ZAN: variants seen among roughly 807,000 people sequenced by gnomAD.
The protein encoded by ZAN is zonadhesin (gene/pseudogene).
ZAN carries 260 observed loss-of-function variants against 286.2 expected under a neutral mutation model. The ratio of observed to expected loss-of-function variants is 0.91; its 90% CI spans 0.82 to 1.01. ZAN has a LOEUF of 1.01. Ranked by LOEUF, ZAN falls within the 50% of genes least tolerant of loss-of-function variation. ZAN has a pLI of 0.00. For synonymous variants in ZAN, 1,368 were observed against 1,417.5 expected (o/e 0.97, Z 0.79); for missense variants, 3,410 against 3,639.2 (o/e 0.94, Z 1.62).
intron 12 of ZAN, 64 bp downstream of exon 12, chr7:100,750,960 G>C: frequency 6.6e-7 from 1 of 1,510,850 alleles, no homozygotes; most frequent in South Asian, 1.3e-5. Context: ...GGGATCTGGG[G>C]GCGCCACCAG....
rs5886138 is a variant in ZAN at position 100,790,879 on chromosome 7, T to TAAAA, written c.7358-46_7358-43dup. On this transcript the variant is annotated intron_variant, in intron 39 of 47. Transcript: ENST00000613979. ...GCCTGGGCAACAGAGCAAGACTGTC[T>TAAAA]AAAAAAAAAAAAAAAAAAAAGAGTG... The TAAAA allele has an allele frequency of 3.5e-4, 420 of 1,210,426 alleles. No homozygotes were observed. The African/African-American group carries it at 4.5e-3, about 13-fold the overall frequency. The allele number at this position is 1,210,426 out of a possible 1,614,324, so 75.0% of individuals were successfully genotyped here. A position where few individuals can be genotyped will look rare whatever the true frequency, so the allele number is the denominator to read the frequency against.
Position 100,797,782 on chromosome 7 carries a change from ATATT to A in ZAN, c.*60_*63del, listed in dbSNP as rs776271618. 5.7e-6 allele frequency: 9 copies of A among 1,583,922 alleles called. No homozygotes were observed. Among genetic ancestry groups the A allele is most frequent in the Middle Eastern group, 2.2e-4 (1 of 4,574 alleles). On this transcript the variant is annotated 3_prime_UTR_variant, in exon 48 of 48. Transcript: ENST00000613979. ...AGACAAGAAGATTAAATAAATTTAT[ATATT>A]TATTTATTTGAGACAGGGTCTTGCT...
At position 100,751,242 on chromosome 7, in the gene ZAN, T is replaced by C. The variant is rs764590739; in HGVS notation, c.1582T>C (p.Leu528=). 5.2e-5 allele frequency: 83 copies of C among 1,608,144 alleles called. No homozygotes were observed. Among genetic ancestry groups the C allele is most frequent in the Non-Finnish European group, 6.7e-5 (79 of 1,177,676 alleles). ...CTCTGTGGTTGCTATGGGTTTCATC[T>C]TGATCAATCCTGGGACTTGTCCAGG... ...TASVVAMGFI[L]INPGTCPVKV... The change falls in exon 13 of 48, where the codon TTG becomes CTG. Residue 528 remains leucine (L), a synonymous_variant. Transcript: ENST00000613979.
chr7:100,795,096 G>A (rs1053428443), intron 44 of ZAN, 100 bp from the exon 45 acceptor site: 11 of 1,438,630 alleles, frequency 7.6e-6, no homozygotes, highest in East Asian at 2.8e-5. Flanking sequence ...TCTGGCAGCC[G>A]CTGCTTTCTC....
At chr7:100,767,302 G>C in intron 25 of ZAN, 45 bp downstream of exon 25, 1 of 1,574,780 alleles carries the variant, frequency 6.4e-7, no homozygotes, top group Non-Finnish European at 8.6e-7. Flanking sequence ...CACCCAGCCT[G>C]CTTGCTTCTC....
At position 100,765,630 on chromosome 7, in the gene ZAN, C is replaced by T; in HGVS notation, c.4470+76C>T. On this transcript the variant is annotated intron_variant, in intron 23 of 47. Coordinates refer to ENST00000613979, the MANE Select transcript of ZAN (RefSeq NM_003386.3). ...CCTGCTCTCACACCCCCTGCAAGCT[C>T]TTTCTTTTCTTTTCGTTTCTTGTTT... The T allele has an allele frequency of 2.1e-6, 3 of 1,455,056 alleles. No individual in the cohort carries two copies. In the East Asian group the frequency reaches 7.5e-5, roughly 36 times the overall value. The allele number at this position is 1,455,056 out of a possible 1,614,324, so 90.1% of individuals were successfully genotyped here.
At position 100,787,929 on chromosome 7, in the gene ZAN, C is replaced by A; in HGVS notation, c.7020C>A (p.Leu2340=). The change falls in exon 38 of 48, where the codon CTC becomes CTA. Residue 2340 remains leucine (L), a synonymous_variant. Coordinates refer to ENST00000613979, the MANE Select transcript of ZAN (RefSeq NM_003386.3). Reference sequence around the variant, plus strand: ...CAGTCTATGGCGACCCCCGTTACCTCACATTTGACGGCTTCAGCTACCGCT... The same window carrying A: ...CAGTCTATGGCGACCCCCGTTACCTAACATTTGACGGCTTCAGCTACCGCT... ...QCSVYGDPRY[L]TFDGFSYRLQ... The A allele has an allele frequency of 6.6e-7, 1 of 1,513,034 alleles. No homozygotes were observed. The highest frequency in any genetic ancestry group is 9.0e-7 in the Non-Finnish European group (1 of 1,110,314). 93.7% of individuals were successfully genotyped at this position (1,513,034 alleles called of 1,614,324 possible).
chr7:100,753,078 C>T lies in ZAN; in HGVS notation c.2973C>T (p.Thr991=), dbSNP rs565435720. 7 of 1,614,010 alleles carry T rather than the reference C, an allele frequency of 4.3e-6. No individual in the cohort carries two copies. The East Asian group carries it at 1.1e-4, about 26-fold the overall frequency. The stretch of plus-strand genomic sequence containing the variant: ...CCACCATCCCCACAGAAAAACCCAC[C>T]ATTCCCACAGAGAAGCTCACAGCCC... The part of the protein sequence containing the change: ...EKPTIPTEKP[T]IPTEKLTALR... The change falls in exon 14 of 48, where the codon ACC becomes ACT. Residue 991 remains threonine, a synonymous_variant. Coordinates refer to ENST00000613979, the MANE Select transcript of ZAN (RefSeq NM_003386.3).
At chr7:100,775,643 C>T (rs1456984400) in intron 32 of ZAN, 26 bp from the exon 33 acceptor site, 4 of 1,612,608 alleles carry the variant, frequency 2.5e-6, no homozygotes, top group African/African-American at 1.3e-5. Flanking sequence ...CCTGCTCCTA[C>T]TCACCGTCAC....
chr7:100,759,320 C>T (rs967115620), intron 17 of ZAN, among the ~76,000 whole-genome samples: 2 of 152,018 alleles, frequency 1.3e-5, no homozygotes, highest in South Asian at 2.1e-4. Context: ...GCAGGAGGAT[C>T]GCTTGAGCCC....
intron 27 of ZAN, among the ~76,000 whole-genome samples, chr7:100,769,173 A>C (rs1810209361): frequency 1.3e-5 from 2 of 152,054 alleles, no homozygotes; most frequent in African/African-American, 4.8e-5. Flanking sequence ...AGCTCGCTGC[A>C]ACTTCCGCCT....
intron 28 of ZAN, 149 bp from the exon 29 acceptor site, chr7:100,771,695 G>A (rs1322275233): frequency 1.0e-5 from 8 of 787,932 alleles, no homozygotes; most frequent in Non-Finnish European, 1.6e-5. Context: ...GCCTCCCAAA[G>A]TGCTGGGATT....
At chr7:100,785,951 G>A (rs1347472894) in intron 36 of ZAN, 46 bp from the exon 37 acceptor site, 9 of 1,578,348 alleles carry the variant, frequency 5.7e-6, no homozygotes, top group South Asian at 1.1e-5. Context: ...GAGCCGCCGC[G>A]CCCAGCCCCC....
chr7:100,741,009 C>T (rs868465959), intron 7 of ZAN, among the ~76,000 whole-genome samples: 127 of 11,786 alleles, frequency 0.011, no homozygotes, highest in African/African-American at 0.011. Flanking sequence ...CCGGACGGGG[C>T]GGCTGGCCAG....
chr7:100,753,925 C>T (rs1034283729), intron 14 of ZAN, among the ~76,000 whole-genome samples: 5 of 149,444 alleles, frequency 3.3e-5, no homozygotes, highest in Non-Finnish European at 5.9e-5. Context: ...CTAATCCAAA[C>T]ACTTTCATCA....
rs1809760710 is a variant in ZAN at position 100,763,894 on chromosome 7, G to A, written c.4075G>A (p.Val1359Ile). 6.2e-7 allele frequency: 1 copy of A among 1,613,868 alleles called. No homozygotes were observed. Among genetic ancestry groups the A allele is most frequent in the Non-Finnish European group, 8.5e-7 (1 of 1,179,890 alleles). Reference sequence around the variant, plus strand: ...GGGGCCAGGGTTCTGTGGACGGCTGGTCGACACTCATGGCCCATTTGAGTA... The same window carrying A: ...GGGGCCAGGGTTCTGTGGACGGCTGATCGACACTCATGGCCCATTTGAGTA... ...MSGPGFCGRL[V>I]DTHGPFETCL... The change falls in exon 21 of 48, where the codon GTC (valine) becomes ATC (isoleucine). Residue 1359 changes from valine to isoleucine, a missense_variant. Around this residue, in one of 7 missense-constraint regions of ZAN, gnomAD observed 1,042 missense variants for 1,058.0 expected, o/e 0.98. Transcript: ENST00000613979. This position sits in a 1 kb window ranked among gnomAD's most constrained non-coding sequence, Gnocchi z 4.6.
In ZAN at chr7:100,753,213, C is replaced by T; in HGVS notation, c.3108C>T (p.Thr1036=). ...GTGTGATTCTGGGCACTACCACAAC[C>T]TCCAGATCCAGTACAGGTATGAGGT... ...MTSVILGTTT[T]SRSSTERCPP... The change falls in exon 14 of 48, where the codon ACC becomes ACT. Residue 1036 remains threonine, a synonymous_variant. Transcript: ENST00000613979. 6.3e-7 allele frequency: 1 copy of T among 1,599,836 alleles called. No homozygotes were observed. The highest frequency in any genetic ancestry group is 8.5e-7 in the Non-Finnish European group (1 of 1,172,618).
At chr7:100,784,574 T>C (rs758091370) in intron 35 of ZAN, 49 bp from the exon 36 acceptor site, 1 of 1,596,058 alleles carries the variant, frequency 6.3e-7, no homozygotes, top group Admixed American at 1.7e-5. Context: ...CTGCCCACCT[T>C]GGCCCCCTGT....
At position 100,763,745 on chromosome 7, in the gene ZAN, G is replaced by T; in HGVS notation, c.3987-61G>T. The T allele has an allele frequency of 6.5e-7, 1 of 1,547,422 alleles. No individual in the cohort carries two copies. On this transcript the variant is annotated intron_variant, in intron 20 of 47. Coordinates refer to ENST00000613979, the MANE Select transcript of ZAN (RefSeq NM_003386.3). This position sits in a 1 kb window ranked among gnomAD's most constrained non-coding sequence, Gnocchi z 4.6. ...GGCCTGCCAGCCTTGCTGCCTGCTG[G>T]GTTAGGGATGAGCTGGAAGCGAGCT...
Sources: allele counts gnomAD v4.1 joint callset (sites outside exome capture counted in the v4.1 genomes callset), GRCh38; gene constraint gnomAD v4.1.1; regional missense constraint gnomAD v4.1.1; non-coding constraint Gnocchi (gnomAD v3.1); transcripts MANE v1.5; gene names NCBI Gene and HGNC (gene_info 2026-07-23, HGNC 2026-07-21).